Variants in AXDND1 observed in about 807,000 individuals in gnomAD.
The protein encoded by AXDND1 is axonemal dynein light chain domain containing 1, also known as axonemal dynein light chain domain-containing protein 1.
A neutral mutation model predicts 137.5 loss-of-function variants in AXDND1; 110 were observed. The ratio of observed to expected loss-of-function variants is 0.80; its 90% confidence interval spans 0.69 to 0.94. AXDND1 has a LOEUF of 0.94. AXDND1 is among the 40% of genes least tolerant of loss of function. AXDND1 has a pLI of 0.00. For missense variants in AXDND1, 1,191 were observed against 1,169.8 expected (o/e 1.02, Z -0.26); for synonymous variants, 414 against 399.7 (o/e 1.04, Z -0.43).
At chr1:179,473,211 T>G (rs1664176729) in intron 17 of AXDND1, among the ~76,000 whole-genome samples, 1 of 152,098 alleles carries the variant, frequency 6.6e-6, no homozygotes, top group Non-Finnish European at 1.5e-5. Context: ...CTCCTTAATT[T>G]AACAGAATTA....
At position 179,366,466 on chromosome 1, in the gene AXDND1, A is replaced by G; in HGVS notation, c.-44A>G. 1 of 1,506,268 alleles carries G rather than the reference A, an allele frequency of 6.6e-7. No individual in the cohort carries two copies. The highest frequency in any genetic ancestry group is 9.2e-7 in the Non-Finnish European group (1 of 1,084,058). 93.3% of individuals were successfully genotyped at this position (1,506,268 alleles called of 1,614,324 possible). On this transcript the variant is annotated 5_prime_UTR_variant, in exon 2 of 26. Transcript: ENST00000367618. ...ATTTGTGTCTAAATTAGCTTTCCGG[A>G]GGACTATTTCAAATTACTAAAGAGA...
chr1:179,439,354 A>G (rs776928832), intron 15 of AXDND1, among the ~76,000 whole-genome samples: 2 of 152,292 alleles, frequency 1.3e-5, no homozygotes, highest in East Asian at 3.9e-4. Context: ...TAAGACAGCT[A>G]TGGCTGAGCG....
chr1:179,492,110 G>A (rs1433799701), intron 19 of AXDND1, among the ~76,000 whole-genome samples: 1 of 152,154 alleles, frequency 6.6e-6, no homozygotes, highest in African/African-American at 2.4e-5. Flanking sequence ...GTTTTCTTCT[G>A]TCACCGAGGC....
chr1:179,492,393 G>C (rs193045804), intron 19 of AXDND1, among the ~76,000 whole-genome samples: 9 of 150,816 alleles, frequency 6.0e-5, no homozygotes, highest in African/African-American at 2.2e-4. Context: ...ATACTTTTAT[G>C]TGCTTCACTA....
intron 17 of AXDND1, among the ~76,000 whole-genome samples, chr1:179,476,884 A>T (rs1434142873): frequency 1.3e-5 from 2 of 152,040 alleles, no homozygotes; most frequent in Admixed American, 6.6e-5. Flanking sequence ...TGAATGTGTT[A>T]TTGTTTTTCA....
At chr1:179,514,618 T>A (rs765306301) in intron 21 of AXDND1, among the ~76,000 whole-genome samples, 1 of 152,292 alleles carries the variant, frequency 6.6e-6, no homozygotes, top group East Asian at 1.9e-4. Context: ...ATTGTTTCTT[T>A]GTTGACTTTT....
At chr1:179,475,733 G>A (rs911825696) in intron 17 of AXDND1, among the ~76,000 whole-genome samples, 1 of 152,176 alleles carries the variant, frequency 6.6e-6, no homozygotes, top group Non-Finnish European at 1.5e-5. Context: ...AGACTTTGGG[G>A]GACTGTTGGG....
chr1:179,397,552 C>T (rs890692826), intron 11 of AXDND1, among the ~76,000 whole-genome samples: 1 of 152,160 alleles, frequency 6.6e-6, no homozygotes, highest in Non-Finnish European at 1.5e-5. Flanking sequence ...TTGGGGAAAT[C>T]CTCATGGATG....
chr1:179,374,311 A>G (rs1668351202), intron 4 of AXDND1, among the ~76,000 whole-genome samples: 1 of 152,212 alleles, frequency 6.6e-6, no homozygotes, highest in African/African-American at 2.4e-5. Context: ...CGATCATTCA[A>G]AAGTCAGGAA....
intron 20 of AXDND1, among the ~76,000 whole-genome samples, chr1:179,498,402 A>G (rs1667673048): frequency 6.6e-6 from 1 of 152,152 alleles, no homozygotes. Flanking sequence ...AGCAAGGGGG[A>G]AAAGACTCCC....
intron 17 of AXDND1, among the ~76,000 whole-genome samples, chr1:179,481,928 G>A (rs1008538722): frequency 2.6e-5 from 4 of 151,962 alleles, no homozygotes; most frequent in Admixed American, 6.6e-5. Context: ...TTAGTGCCTG[G>A]TTGTTTCCTG....
intron 17 of AXDND1, among the ~76,000 whole-genome samples, chr1:179,479,763 T>G (rs1231506713): frequency 6.6e-6 from 1 of 151,438 alleles, no homozygotes; most frequent in Non-Finnish European, 1.5e-5. Flanking sequence ...GGCGACGGAG[T>G]GAGACTCCAT....
At chr1:179,535,491 G>T (rs1455979112) in intron 25 of AXDND1, among the ~76,000 whole-genome samples, 22 of 152,192 alleles carry the variant, frequency 1.4e-4, no homozygotes, top group Admixed American at 7.9e-4. Flanking sequence ...TTCTGTCCTT[G>T]TGATAGTTTG....
At chr1:179,452,216 C>T (rs977501159) in intron 16 of AXDND1, 7 of 152,496 alleles carry the variant, frequency 4.6e-5, no homozygotes, top group African/African-American at 7.2e-5. Flanking sequence ...GCATTTTGCC[C>T]CATCCTAGAG....
intron 25 of AXDND1, among the ~76,000 whole-genome samples, chr1:179,536,408 C>A (rs927728553): frequency 1.3e-5 from 2 of 152,166 alleles, no homozygotes; most frequent in African/African-American, 4.8e-5. Flanking sequence ...AGGAAGAGAT[C>A]CAGTTTCAGC....
At chr1:179,449,696 T>C (rs1316666056) in intron 16 of AXDND1, 3 of 152,120 alleles carry the variant, frequency 2.0e-5, no homozygotes, top group Non-Finnish European at 4.4e-5. Flanking sequence ...TTAACAATGT[T>C]TTATAGTTTT....
chr1:179,466,276 C>CTTTTTTTTTTT (rs1558222697), intron 16 of AXDND1, among the ~76,000 whole-genome samples: 1 of 121,364 alleles, frequency 8.2e-6, no homozygotes, highest in Non-Finnish European at 1.7e-5. Flanking sequence ...TTTCTTTCTT[C>CTTTTTTTTTTT]TTCTTCTTCT....
Position 179,509,418 on chromosome 1 carries a change from T to TA in AXDND1, c.2496+15_2496+16insA. On this transcript the variant is annotated intron_variant, in intron 21 of 25. Transcript: ENST00000367618. ...TACTTGAAGAGGTATTTGCCACATG[T>TA]TAGCGTTGGTCATTATTCAGATTAT... The TA allele has an allele frequency of 6.8e-7, 1 of 1,471,408 alleles. No homozygotes were observed. The highest frequency in any genetic ancestry group is 1.1e-5 in the South Asian group (1 of 87,122). 91.1% of individuals were successfully genotyped at this position (1,471,408 alleles called of 1,614,324 possible). A position where few individuals can be genotyped will look rare whatever the true frequency, so the allele number is the denominator to read the frequency against.
chr1:179,525,222 T>G, intron 21 of AXDND1, 112 bp from the exon 22 acceptor site: 1 of 1,078,878 alleles, frequency 9.3e-7, no homozygotes, highest in Non-Finnish European at 1.3e-6. Flanking sequence ...CTTTGTATCC[T>G]TGTCACTAGC....
Sources: gnomAD v4.1 joint callset for allele counts (sites outside exome capture counted in the v4.1 genomes callset) on GRCh38, gnomAD v4.1.1 for gene constraint, MANE v1.5 for transcripts, NCBI Gene and HGNC (gene_info 2026-07-23, HGNC 2026-07-21) for gene names.